GALNT17: variants seen among roughly 807,000 people sequenced by gnomAD.
GALNT17 encodes the protein UDP-GalNAc:polypeptide N-acetylgalactosaminyltransferase-like 3.
Under a neutral mutation model 63.7 loss-of-function variants are expected in GALNT17, and 29 were observed. The observed-to-expected ratio is 0.46, with a 90% confidence interval of 0.34 to 0.62. The LOEUF is 0.62. Ranked by LOEUF, GALNT17 falls within the 20% of genes least tolerant of loss-of-function variation. The probability of loss-of-function intolerance (pLI) is 0.01; values close to 1 mark genes in which losing one functional copy is unlikely to be tolerated. For synonymous variants in GALNT17, 305 were observed against 318.3 expected (o/e 0.96, Z 0.45); for missense variants, 603 against 799.6 (o/e 0.75, Z 2.97).
chr7:71,701,181 A>C (rs1791625596), intron 9 of GALNT17, among the ~76,000 whole-genome samples: 1 of 152,154 alleles, frequency 6.6e-6, no homozygotes, highest in South Asian at 2.1e-4. Flanking sequence ...ATCAAGGGAA[A>C]GTCTCAGAAA....
chr7:71,672,939 A>G (rs1791092166), intron 8 of GALNT17, among the ~76,000 whole-genome samples: 1 of 152,256 alleles, frequency 6.6e-6, no homozygotes, highest in Admixed American at 6.5e-5. Context: ...TGAAAAACAC[A>G]TGACAATTTT....
Position 71,420,965 on chromosome 7 carries a change from C to G in GALNT17, c.822C>G (p.Ser274=). ...ACCGGAAGCGTGTGATCCTCCCCTC[C>G]ATTGACAACATCAAACAGGACAACT... The part of the protein sequence containing the change: ...QENRKRVILP[S]IDNIKQDNFE... Residue 274 remains serine (S), a synonymous_variant, in exon 5 of 11, where the codon TCC becomes TCG. Transcript: ENST00000333538. 6.2e-7 allele frequency: 1 copy of G among 1,614,160 alleles called. No homozygotes were observed. Among genetic ancestry groups the G allele is most frequent in the Non-Finnish European group, 8.5e-7 (1 of 1,180,028 alleles).
chr7:71,216,426 A>C, intron 1 of GALNT17, among the ~76,000 whole-genome samples: 1 of 152,010 alleles, frequency 6.6e-6, no homozygotes, highest in East Asian at 1.9e-4. Context: ...CACTTTGAGA[A>C]CCCCTGATGT....
rs1015131353 is a variant in GALNT17, at chr7:71,382,005, A to G, written c.423-6230A>G. Among the ~76,000 whole-genome samples, 3 of 152,320 alleles carry G rather than the reference A, an allele frequency of 2.0e-5. No homozygotes were observed. The East Asian group carries it at 5.8e-4, about 29-fold the overall frequency. ...GAGAACTGTGGGGTTGGCAAAAGGC[A>G]GAGCCTGGTTGAAGGAAGTATGGAG... is the stretch of plus-strand genomic sequence containing the variant. On this transcript the variant is annotated intron_variant, in intron 2 of 10. Transcript: ENST00000333538.
chr7:71,593,933 A>G (rs1789849691), intron 6 of GALNT17, among the ~76,000 whole-genome samples: 1 of 152,166 alleles, frequency 6.6e-6, no homozygotes, highest in Non-Finnish European at 1.5e-5. Flanking sequence ...CAGCTCTCCT[A>G]CAAGAACAAC....
Position 71,395,572 on chromosome 7 carries a change from A to G in GALNT17, c.589+7171A>G, listed in dbSNP as rs1483883301. 2.6e-5 allele frequency among the ~76,000 whole-genome samples: 4 copies of G among 152,090 alleles called. No homozygotes were observed. The East Asian group carries it at 5.8e-4, about 22-fold the overall frequency. ...TATTCATGTACACATTTTTGTTTGGATATGTTTTCAGTTTTCTTGGGTACA... is the reference window on the plus strand; with the variant it reads ...TATTCATGTACACATTTTTGTTTGGGTATGTTTTCAGTTTTCTTGGGTACA... On this transcript the variant is annotated intron_variant, in intron 3 of 10. Coordinates refer to ENST00000333538, the MANE Select transcript of GALNT17 (RefSeq NM_022479.3).
intron 5 of GALNT17, among the ~76,000 whole-genome samples, chr7:71,463,718 A>G (rs1428477769): frequency 6.6e-6 from 1 of 152,162 alleles, no homozygotes; most frequent in Non-Finnish European, 1.5e-5. Context: ...TTTAGACCAC[A>G]TAGGGTAACT....
Position 71,416,016 on chromosome 7 carries a change from G to A in GALNT17, c.717G>A (p.Gly239=). 6.2e-7 allele frequency: 1 copy of A among 1,613,544 alleles called. No individual in the cohort carries two copies. Among genetic ancestry groups the A allele is most frequent in the Admixed American group, 1.7e-5 (1 of 59,950 alleles). ...TTGAGGGCTGGAAGGTGGCTACCGG[G>A]CAGGTCACTGGCTTCTTTGATGCCC... ...ARIEGWKVAT[G]QVTGFFDAHV... The change falls in exon 4 of 11, where the codon GGG becomes GGA. Residue 239 remains glycine, a synonymous_variant. Coordinates refer to ENST00000333538, the MANE Select transcript of GALNT17 (RefSeq NM_022479.3).
chr7:71,320,699 A>G (rs894595434), intron 1 of GALNT17, among the ~76,000 whole-genome samples: 1 of 152,204 alleles, frequency 6.6e-6, no homozygotes, highest in Non-Finnish European at 1.5e-5. Context: ...TTCAGATTCT[A>G]TAAATTAATT....
At chr7:71,444,257 A>G (rs1787119745) in intron 5 of GALNT17, among the ~76,000 whole-genome samples, 1 of 151,974 alleles carries the variant, frequency 6.6e-6, no homozygotes, top group Admixed American at 6.6e-5. Context: ...TCCCCTACCC[A>G]TCCCAGCCCC....
At chr7:71,674,060 T>G (rs1220224601) in intron 8 of GALNT17, among the ~76,000 whole-genome samples, 1 of 152,208 alleles carries the variant, frequency 6.6e-6, no homozygotes, top group Non-Finnish European at 1.5e-5. Context: ...GTGATCATAG[T>G]CTGATTATTT....
chr7:71,283,150 GCC>G (rs35563972), intron 1 of GALNT17, among the ~76,000 whole-genome samples: 8 of 151,388 alleles, frequency 5.3e-5, no homozygotes, highest in African/African-American at 1.7e-4. Context: ...TCCTGCCTCA[GCC>G]CCCCCCAAGT....
At chr7:71,201,239 T>A (rs200109594) in intron 1 of GALNT17, among the ~76,000 whole-genome samples, 1,083 of 101,434 alleles carry the variant, frequency 0.011, 41 homozygotes, top group African/African-American at 0.038. Context: ...GTGTGTTTAT[T>A]TTTATATATA....
intron 6 of GALNT17, among the ~76,000 whole-genome samples, chr7:71,603,729 C>T (rs1790003076): frequency 6.6e-6 from 1 of 152,046 alleles, no homozygotes; most frequent in South Asian, 2.1e-4. Context: ...AGTGCATACA[C>T]TGGATACTAT....
At chr7:71,198,295 G>T (rs999221624) in intron 1 of GALNT17, among the ~76,000 whole-genome samples, 2 of 151,888 alleles carry the variant, frequency 1.3e-5, no homozygotes, top group Non-Finnish European at 2.9e-5. Context: ...AACAAATGTT[G>T]GTTCTTTTCT....
chr7:71,504,233 A>C (rs943370924), intron 5 of GALNT17, among the ~76,000 whole-genome samples: 1 of 151,516 alleles, frequency 6.6e-6, no homozygotes, highest in Non-Finnish European at 1.5e-5. Flanking sequence ...TCTCAAAAAA[A>C]AAAAAAAAAA....
chr7:71,312,185 C>G (rs1791424184), intron 1 of GALNT17, among the ~76,000 whole-genome samples: 1 of 152,234 alleles, frequency 6.6e-6, no homozygotes, highest in Admixed American at 6.5e-5. Flanking sequence ...TCTGGGCAAA[C>G]TGCCTGGGGT....
At chr7:71,142,062 GT>G (rs1234117505) in intron 1 of GALNT17, among the ~76,000 whole-genome samples, 3 of 149,168 alleles carry the variant, frequency 2.0e-5, no homozygotes, top group African/African-American at 7.5e-5. Flanking sequence ...TAGAGATGGG[GT>G]TTCACCATGT....
At chr7:71,398,970 C>T (rs940780784) in intron 3 of GALNT17, among the ~76,000 whole-genome samples, 2 of 152,108 alleles carry the variant, frequency 1.3e-5, no homozygotes, top group Non-Finnish European at 1.5e-5. Context: ...TGGTGGCTCA[C>T]GCCTGTAATC....
Sources: allele counts gnomAD v4.1 joint callset (sites outside exome capture counted in the v4.1 genomes callset), GRCh38; gene constraint gnomAD v4.1.1; transcripts MANE v1.5; gene names NCBI Gene and HGNC (gene_info 2026-07-23, HGNC 2026-07-21).